The following SEZ6L variants were observed in gnomAD, a reference collection of about 807,000 sequenced individuals.
SEZ6L encodes seizure 6-like protein.
Under a neutral mutation model 106.2 loss-of-function variants are expected in SEZ6L, and 37 were observed. That is an observed-to-expected ratio of 0.35 (90% CI 0.27 to 0.46). The LOEUF is 0.46. SEZ6L is among the 20% of genes least tolerant of loss of function. The pLI is 1.00. For missense variants in SEZ6L, 1,172 were observed against 1,332.8 expected (o/e 0.88, Z 1.88); for synonymous variants, 541 against 570.4 (o/e 0.95, Z 0.73).
At chr22:26,185,088 A>C (rs1939681069) in intron 1 of SEZ6L, among the ~76,000 whole-genome samples, 1 of 152,180 alleles carries the variant, frequency 6.6e-6, no homozygotes, top group Non-Finnish European at 1.5e-5. Context: ...TGTCCAAACA[A>C]AACAAAACAA....
rs1556301617 is a variant in SEZ6L at position 26,278,999 on chromosome 22, A to AGGAAGGAAAGAC, written c.95-13399_95-13398insAGACGGAAGGAA. On this transcript the variant is annotated intron_variant, in intron 1 of 16. Coordinates refer to ENST00000248933, the MANE Select transcript of SEZ6L (RefSeq NM_021115.5). ...GAGGGAGGGAGGGAGGAAGGAAGGA[A>AGGAAGGAAAGAC]GGAAGGAAGGGAAGGAAGGAAAGAA... Among the ~76,000 whole-genome samples the AGGAAGGAAAGAC allele has an allele frequency of 4.3e-4, 59 of 135,638 alleles. 1 individual carries two copies. The highest frequency in any genetic ancestry group is 1.6e-3 in the African/African-American group (57 of 36,032). 89.0% of individuals were successfully genotyped at this position (135,638 alleles called of 152,430 possible).
intron 1 of SEZ6L, among the ~76,000 whole-genome samples, chr22:26,195,804 G>C (rs546841767): frequency 6.6e-6 from 1 of 151,658 alleles, no homozygotes; most frequent in Non-Finnish European, 1.5e-5. Flanking sequence ...TATATATATA[G>C]TTTGTGTGTG....
chr22:26,322,467 G>A (rs554237861), intron 9 of SEZ6L, among the ~76,000 whole-genome samples: 1 of 152,348 alleles, frequency 6.6e-6, no homozygotes, highest in Admixed American at 6.5e-5. Context: ...CAAAATGTAA[G>A]CAAAGTCCTG....
At chr22:26,302,785 C>A (rs75756492) in intron 5 of SEZ6L, among the ~76,000 whole-genome samples, 1,713 of 152,252 alleles carry the variant, frequency 0.011, 22 homozygotes, top group African/African-American at 0.039. Context: ...TGGGGAGCCA[C>A]GGCTGGCAAA....
At chr22:26,242,481 G>A (rs549045723) in intron 1 of SEZ6L, among the ~76,000 whole-genome samples, 1 of 152,278 alleles carries the variant, frequency 6.6e-6, no homozygotes, top group Non-Finnish European at 1.5e-5. Flanking sequence ...TGTTGGTGAG[G>A]GTCTTGTGTG....
chr22:26,171,505 A>C lies in SEZ6L; in HGVS notation c.94+1742A>C, dbSNP rs553694009. 3.9e-5 allele frequency among the ~76,000 whole-genome samples: 6 copies of C among 151,922 alleles called. No homozygotes were observed. The South Asian group carries it at 1.1e-3, about 27-fold the overall frequency. Reference sequence around the variant, plus strand: ...TCCACTCTCCAATACACCACCTTGCAGGGAAAAAAAAATTGTCTTAATGGC... The same window carrying C: ...TCCACTCTCCAATACACCACCTTGCCGGGAAAAAAAAATTGTCTTAATGGC... On this transcript the variant is annotated intron_variant, in intron 1 of 16. Transcript: ENST00000248933.
rs554770614 is a variant in SEZ6L at position 26,319,149 on chromosome 22, G to T, written c.2015+5247G>T. On this transcript the variant is annotated intron_variant, in intron 9 of 16. Transcript: ENST00000248933. ...GACCTTTCTCTTTCTCCCACACCCT[G>T]TAGCCAAATCCTCAGGAAATTCCAT... 2.0e-5 allele frequency among the ~76,000 whole-genome samples: 3 copies of T among 152,246 alleles called. No homozygotes were observed. The South Asian group carries it at 6.2e-4, about 32-fold the overall frequency.
rs1043561387 is a variant in SEZ6L at position 26,222,296 on chromosome 22, C to T, written c.94+52533C>T. Among the ~76,000 whole-genome samples the T allele has an allele frequency of 8.5e-5, 13 of 152,306 alleles. No homozygotes were observed. The South Asian group carries it at 1.7e-3, about 19-fold the overall frequency. On this transcript the variant is annotated intron_variant, in intron 1 of 16. Coordinates refer to ENST00000248933, the MANE Select transcript of SEZ6L (RefSeq NM_021115.5). ...CTTTGAGGGTTTCTAGTCCAACTTC[C>T]TAACTTTACAGATGGAGCAAGTGAG...
intron 5 of SEZ6L, among the ~76,000 whole-genome samples, chr22:26,302,698 G>A (rs907016854): frequency 2.0e-5 from 3 of 152,078 alleles, no homozygotes; most frequent in African/African-American, 4.8e-5. Context: ...TGGTCTTCAC[G>A]CCTCTCTCAC....
At chr22:26,192,211 C>T (rs182316956) in intron 1 of SEZ6L, among the ~76,000 whole-genome samples, 4 of 152,302 alleles carry the variant, frequency 2.6e-5, no homozygotes, top group Non-Finnish European at 1.5e-5. Context: ...TCCATTCCTT[C>T]ATCTGTCCAC....
At chr22:26,304,689 A>G (rs1370787864) in intron 5 of SEZ6L, among the ~76,000 whole-genome samples, 2 of 152,210 alleles carry the variant, frequency 1.3e-5, no homozygotes, top group Non-Finnish European at 2.9e-5. Context: ...AATCACTTTT[A>G]TATTCATGGT....
At position 26,319,662 on chromosome 22, in the gene SEZ6L, C is replaced by T. The variant is rs986236334; in HGVS notation, c.2015+5760C>T. On this transcript the variant is annotated intron_variant, in intron 9 of 16. Transcript: ENST00000248933. ...CTCTGACTTTGCTTCACTTCCATAG[C>T]CCTTGCCACCACCTAACACACTACG... Among the ~76,000 whole-genome samples the T allele has an allele frequency of 1.6e-4, 24 of 152,288 alleles. 1 individual carries two copies. The highest frequency in any genetic ancestry group is 1.4e-3 in the Admixed American group (21 of 15,294).
intron 10 of SEZ6L, among the ~76,000 whole-genome samples, chr22:26,345,318 C>T (rs1281179886): frequency 6.6e-6 from 1 of 152,206 alleles, no homozygotes; most frequent in African/African-American, 2.4e-5. Flanking sequence ...GCTTCTACAT[C>T]GTGGCAGCAA....
chr22:26,290,042 T>C (rs991163095), intron 1 of SEZ6L, among the ~76,000 whole-genome samples: 2 of 152,200 alleles, frequency 1.3e-5, no homozygotes, highest in Non-Finnish European at 2.9e-5. Flanking sequence ...CCTAAGTGCT[T>C]TGCATACATC....
chr22:26,199,624 G>A (rs1386939504), intron 1 of SEZ6L, among the ~76,000 whole-genome samples: 14 of 152,298 alleles, frequency 9.2e-5, no homozygotes, highest in Non-Finnish European at 1.5e-5. Context: ...TATTTATGCA[G>A]CAAAACTTAA....
intron 1 of SEZ6L, among the ~76,000 whole-genome samples, chr22:26,240,758 T>A (rs1360746036): frequency 6.6e-6 from 1 of 152,086 alleles, no homozygotes; most frequent in Non-Finnish European, 1.5e-5. Flanking sequence ...TCGTGGAGCT[T>A]ACCTTCTAAT....
chr22:26,310,539 A>C, intron 6 of SEZ6L, 131 bp from the exon 7 acceptor site: 1 of 1,021,008 alleles, frequency 9.8e-7, no homozygotes, highest in Non-Finnish European at 1.4e-6. Context: ...TCTGTCAAAA[A>C]AAAAGAGGCA....
At chr22:26,324,614 A>G (rs562133196) in intron 9 of SEZ6L, among the ~76,000 whole-genome samples, 3 of 152,210 alleles carry the variant, frequency 2.0e-5, no homozygotes, top group South Asian at 4.1e-4. Flanking sequence ...AGATTTCCAG[A>G]TATCAGCAAA....
rs774387268 is a variant in SEZ6L at position 26,292,526 on chromosome 22, G to T, written c.215G>T (p.Ser72Ile). 6.2e-7 allele frequency: 1 copy of T among 1,613,938 alleles called. No homozygotes were observed. The highest frequency in any genetic ancestry group is 8.5e-7 in the Non-Finnish European group (1 of 1,179,912). Residue 72 changes from serine (S) to isoleucine (I), a missense_variant, in exon 2 of 17, where the codon AGT becomes ATT. Coordinates refer to ENST00000248933, the MANE Select transcript of SEZ6L (RefSeq NM_021115.5). ...PEERVVTAPP[S>I]SSQSAEVLGE... is the part of the protein sequence containing the mutation. ...GAGAGAGTGGTAACAGCGCCCCCCA[G>T]TTCCTCACAGTCGGCGGAAGTGCTG...
Sources: allele counts gnomAD v4.1 joint callset (sites outside exome capture counted in the v4.1 genomes callset), GRCh38; gene constraint gnomAD v4.1.1; transcripts MANE v1.5; gene names NCBI Gene and HGNC (gene_info 2026-07-23, HGNC 2026-07-21).